Variants in CYRIB observed in about 807,000 individuals in gnomAD.
CYRIB encodes the protein CYFIP-related Rac1 interactor B.
Under a neutral mutation model 44.2 loss-of-function variants are expected in CYRIB, and 8 were observed. The ratio of observed to expected loss-of-function variants is 0.18; its 90% CI spans 0.11 to 0.33. CYRIB has a LOEUF of 0.33. Among genes scored for constraint, CYRIB ranks in the 10% least tolerant of loss-of-function variants. The pLI is 1.00. For missense variants in CYRIB, 185 were observed against 382.8 expected, an observed-to-expected ratio of 0.48 and a Z score of 4.31; for synonymous variants, 131 against 127.2, an observed-to-expected ratio of 1.03 and a Z score of -0.20.
chr8:129,880,577 G>C (rs368597384), intron 2 of CYRIB: 2 of 272,618 alleles, frequency 7.3e-6, no homozygotes, highest in African/African-American at 4.6e-5. Context: ...ATATGCTTTT[G>C]GCATTGAGAA....
At chr8:129,855,790 G>C (rs1043220635) in intron 5 of CYRIB, 43 bp from the exon 8 acceptor site, 1 of 1,535,282 alleles carries the variant, frequency 6.5e-7, no homozygotes, top group Non-Finnish European at 8.8e-7. Flanking sequence ...GTTTGTATCT[G>C]TGTGATATTT....
At chr8:129,870,779 TAAACATGGATATGCTACGGGGAAG>T (rs1183400749) in intron 4 of CYRIB, among the ~76,000 whole-genome samples, 2 of 151,904 alleles carry the variant, frequency 1.3e-5, no homozygotes, top group African/African-American at 2.4e-5. Context: ...TCTGGACACC[TAAACATGGATATGCTACGGGGAAG>T]AATTCAGTAA....
rs533176162 is a variant in CYRIB at position 129,875,165 on chromosome 8, T to C, written c.74-3669A>G. Reference sequence around the variant, plus strand: ...GTGAGCTAGCAGTTATGGAAGTTACTGAGGCTAAAGATTTGTCATTAGAAT... The same window carrying C: ...GTGAGCTAGCAGTTATGGAAGTTACCGAGGCTAAAGATTTGTCATTAGAAT... On this transcript the variant is annotated intron_variant, in intron 3 of 11. Transcript: ENST00000519824. 5.9e-5 allele frequency among the ~76,000 whole-genome samples: 9 copies of C among 152,276 alleles called. No individual in the cohort carries two copies. The East Asian group carries it at 1.7e-3, about 29-fold the overall frequency.
At chr8:130,012,032 TA>T (rs1335108386) in intron 1 of CYRIB, among the ~76,000 whole-genome samples, 1 of 152,100 alleles carries the variant, frequency 6.6e-6, no homozygotes, top group Non-Finnish European at 1.5e-5. Flanking sequence ...TTCAGTTTTT[TA>T]ATAAACCCCG....
rs1274535937 is a variant in CYRIB at position 129,872,145 on chromosome 8, C to A, written c.74-649G>T. ...ATCACTGAACTATTCTGCTGATGAA[C>A]AGAAGGTCAAGAATCCTGTGCAGAG... is the stretch of plus-strand genomic sequence containing the variant. On this transcript the variant is annotated intron_variant, in intron 3 of 11. Coordinates refer to ENST00000519824, the Ensembl canonical transcript of CYRIB. 3.3e-5 allele frequency among the ~76,000 whole-genome samples: 5 copies of A among 152,118 alleles called. No homozygotes were observed. The South Asian group carries it at 1.0e-3, about 32-fold the overall frequency.
chr8:129,961,452 T>C (rs955585470), intron 2 of CYRIB, among the ~76,000 whole-genome samples: 2 of 152,178 alleles, frequency 1.3e-5, no homozygotes, highest in Admixed American at 1.3e-4. Flanking sequence ...GCAGACAGCA[T>C]AGATAAAACT....
chr8:129,975,470 A>C (rs1184513832), intron 1 of CYRIB, among the ~76,000 whole-genome samples: 3 of 152,224 alleles, frequency 2.0e-5, no homozygotes, highest in Non-Finnish European at 2.9e-5. Flanking sequence ...TTTAGTATAA[A>C]AGATTGTTAA....
At chr8:129,971,209 G>A (rs775984916) in intron 1 of CYRIB, among the ~76,000 whole-genome samples, 1 of 152,002 alleles carries the variant, frequency 6.6e-6, no homozygotes, top group Non-Finnish European at 1.5e-5. Flanking sequence ...GCACGATCTC[G>A]GCTCACTGCA....
At chr8:129,979,961 A>G (rs1052073880) in intron 1 of CYRIB, among the ~76,000 whole-genome samples, 1 of 152,046 alleles carries the variant, frequency 6.6e-6, no homozygotes, top group African/African-American at 2.4e-5. Context: ...ATTTCCCTTT[A>G]AACTCATAAA....
At chr8:130,004,858 C>T (rs1184034155) in intron 1 of CYRIB, among the ~76,000 whole-genome samples, 1 of 151,398 alleles carries the variant, frequency 6.6e-6, no homozygotes. Flanking sequence ...GCTCTGCCTC[C>T]CCGGTTCAAG....
At chr8:129,956,535 GCA>G (rs146683281) in intron 2 of CYRIB, among the ~76,000 whole-genome samples, 34 of 149,416 alleles carry the variant, frequency 2.3e-4, no homozygotes, top group East Asian at 7.9e-4. Flanking sequence ...CTTTGTGTTT[GCA>G]CACACACACA....
At chr8:129,900,928 C>T (rs1170713193) in intron 2 of CYRIB, among the ~76,000 whole-genome samples, 3 of 152,224 alleles carry the variant, frequency 2.0e-5, no homozygotes, top group Non-Finnish European at 4.4e-5. Flanking sequence ...CCCACCTCGG[C>T]CACCCAAAGT....
rs144368752 is a variant in CYRIB at position 129,923,754 on chromosome 8, C to T, written c.-50+15854G>A. On this transcript the variant is annotated intron_variant, in intron 1 of 11. Transcript: ENST00000519824. Reference sequence around the variant, plus strand: ...ATTTATGTACTAAACTCCCTACCTCCGTTTAGTATTTTTAAGGAATACATT... The same window carrying T: ...ATTTATGTACTAAACTCCCTACCTCTGTTTAGTATTTTTAAGGAATACATT... Among the ~76,000 whole-genome samples the T allele has an allele frequency of 2.7e-3, 416 of 151,634 alleles. 12 individuals carry two copies. The highest frequency in any genetic ancestry group is 0.021 in the Admixed American group (323 of 15,180).
chr8:129,910,208 G>A (rs546428098), intron 1 of CYRIB, among the ~76,000 whole-genome samples: 6 of 152,156 alleles, frequency 3.9e-5, no homozygotes, highest in Admixed American at 6.5e-5. Flanking sequence ...ACTCACCCAC[G>A]GTCTTCTCAA....
intron 1 of CYRIB, among the ~76,000 whole-genome samples, chr8:129,999,345 C>T (rs971239614): frequency 1.3e-5 from 2 of 152,216 alleles, no homozygotes; most frequent in Admixed American, 6.5e-5. Context: ...GGATCCCTGT[C>T]CACAGGGAAG....
chr8:129,902,222 A>G (rs2072553934), intron 2 of CYRIB, among the ~76,000 whole-genome samples: 1 of 151,774 alleles, frequency 6.6e-6, no homozygotes, highest in African/African-American at 2.4e-5. Flanking sequence ...TTTTGTTTTT[A>G]TTGTTTTTGT....
At position 129,855,904 on chromosome 8, in the gene CYRIB, T is replaced by C. The variant is rs528680290; in HGVS notation, c.302-157A>G. Among the ~76,000 whole-genome samples the C allele has an allele frequency of 3.3e-5, 5 of 152,370 alleles. No homozygotes were observed. The South Asian group carries it at 1.0e-3, about 32-fold the overall frequency. ...TAAAACTAATTAAGAAGTTTAAATG[T>C]TGCCATTGCTAATGTACTACACACA... On this transcript the variant is annotated intron_variant, in intron 5 of 11. Transcript: ENST00000519824.
Position 129,971,010 on chromosome 8 carries a change from T to TA in CYRIB, c.-295-16dup, listed in dbSNP as rs1261851039. On this transcript the variant is annotated splice_polypyrimidine_tract_variant and intron_variant, in intron 1 of 14. Transcript: ENST00000401979. ...AGTTTCTTCTCCTGTAAAAGAGTTA[T>TA]AGCAAGGATTAAGCAAGTTACAACA... The TA allele has an allele frequency of 2.6e-5, 4 of 152,222 alleles. No individual in the cohort carries two copies. Among genetic ancestry groups the TA allele is most frequent in the African/African-American group, 9.6e-5 (4 of 41,460 alleles). 9.4% of individuals were successfully genotyped at this position (152,222 alleles called of 1,614,324 possible).
rs113040200 is a variant in CYRIB, at chr8:129,902,595, C to T, written c.-11+717G>A. ...GCAGTGATGCAATCTTGGCTCACTG[C>T]GGCCTGGACATCCCAGGCTCAGGTA... On this transcript the variant is annotated intron_variant, in intron 2 of 11. Transcript: ENST00000519824. 2.6e-5 allele frequency among the ~76,000 whole-genome samples: 4 copies of T among 152,250 alleles called. No individual in the cohort carries two copies. The South Asian group carries it at 8.3e-4, about 32-fold the overall frequency.
Sources: allele counts gnomAD v4.1 joint callset (sites outside exome capture counted in the v4.1 genomes callset), GRCh38; gene constraint gnomAD v4.1.1; transcripts MANE v1.5; gene names NCBI Gene and HGNC (gene_info 2026-07-23, HGNC 2026-07-21).